UST: variants seen among roughly 807,000 people sequenced by gnomAD.
UST encodes the protein chondroitin sulfate 2-O-sulfotransferase.
In UST, 21 loss-of-function variants were observed where a neutral mutation model predicts 45.6. The ratio of observed to expected loss-of-function variants is 0.46; its 90% CI spans 0.33 to 0.66. UST has a LOEUF of 0.66. UST is among the 30% of genes least tolerant of loss of function. The probability of loss-of-function intolerance (pLI) is 0.02; values close to 1 mark genes in which losing one functional copy is unlikely to be tolerated. For synonymous variants in UST, 215 were observed against 200.6 expected (o/e 1.07, Z -0.61); for missense variants, 463 against 512.4 (o/e 0.90, Z 0.93).
intron 1 of UST, among the ~76,000 whole-genome samples, chr6:148,857,399 G>A (rs536950953): frequency 2.0e-5 from 3 of 152,146 alleles, no homozygotes; most frequent in South Asian, 4.2e-4. Flanking sequence ...AATGTATTAC[G>A]CCCACCGTAA....
intron 2 of UST, among the ~76,000 whole-genome samples, chr6:148,920,072 CA>C (rs981203127): frequency 4.4e-4 from 63 of 143,108 alleles, no homozygotes; most frequent in Middle Eastern, 3.4e-3. Flanking sequence ...GGCAGGTACA[CA>C]AAAAACTTGA....
At chr6:148,777,842 C>A (rs1776565146) in intron 1 of UST, among the ~76,000 whole-genome samples, 1 of 152,218 alleles carries the variant, frequency 6.6e-6, no homozygotes. Context: ...GCATGAGCCA[C>A]CACACCTGGC....
chr6:148,923,646 C>T (rs9942523), intron 2 of UST, among the ~76,000 whole-genome samples: 29,202 of 152,078 alleles, frequency 0.19, 2,943 homozygotes, highest in African/African-American at 0.23. Flanking sequence ...GTGGCTCATG[C>T]CTGTAATCCC....
At chr6:148,809,183 C>T (rs1379914639) in intron 1 of UST, among the ~76,000 whole-genome samples, 1 of 152,236 alleles carries the variant, frequency 6.6e-6, no homozygotes, top group East Asian at 1.9e-4. Context: ...TGGCACTGTC[C>T]TCAGAGTTTC....
chr6:148,824,768 C>T (rs1339007358), intron 1 of UST, among the ~76,000 whole-genome samples: 4 of 142,362 alleles, frequency 2.8e-5, no homozygotes, highest in East Asian at 2.0e-4. Context: ...CATGCTGGTG[C>T]GCTGCACCCA....
intron 7 of UST, among the ~76,000 whole-genome samples, chr6:149,064,724 A>G (rs1462348990): frequency 6.6e-6 from 1 of 152,206 alleles, no homozygotes; most frequent in Non-Finnish European, 1.5e-5. Context: ...CAGGTAACAT[A>G]AAAGAATGAA....
At chr6:148,903,163 A>G (rs1582888000) in intron 2 of UST, among the ~76,000 whole-genome samples, 1 of 152,286 alleles carries the variant, frequency 6.6e-6, no homozygotes, top group East Asian at 1.9e-4. Flanking sequence ...CACATAATTG[A>G]CAAAAAGCAT....
intron 1 of UST, among the ~76,000 whole-genome samples, chr6:148,754,711 TATG>T (rs1327796481): frequency 1.9e-4 from 29 of 152,238 alleles, no homozygotes; most frequent in African/African-American, 6.8e-4. Flanking sequence ...GGTTGGGAAA[TATG>T]ATACTGACTT....
At chr6:148,980,109 A>G (rs1003868723) in intron 5 of UST, among the ~76,000 whole-genome samples, 1 of 152,266 alleles carries the variant, frequency 6.6e-6, no homozygotes, top group Admixed American at 6.5e-5. Flanking sequence ...GGTATCCGAT[A>G]AGAGTTTGTA....
Position 149,074,012 on chromosome 6 carries a change from C to A in UST, c.1117C>A (p.Leu373Met), listed in dbSNP as rs755048718. The A allele has an allele frequency of 3.7e-6, 6 of 1,614,218 alleles. No individual in the cohort carries two copies. Among genetic ancestry groups the A allele is most frequent in the Non-Finnish European group, 5.1e-6 (6 of 1,180,036 alleles). ...TAAGTCTCACGTCAGCAAGCCCCCCCTGAGGCCACACTTCTTTATCCCAAC... is the reference window on the plus strand; with the variant it reads ...TAAGTCTCACGTCAGCAAGCCCCCCATGAGGCCACACTTCTTTATCCCAAC... ...GLKSHVSKPP[L>M]RPHFFIPTPL... Residue 373 changes from leucine to methionine, a missense_variant, in exon 8 of 8, where the codon CTG (leucine) becomes ATG (methionine). Around this residue, in one of 2 missense-constraint regions of UST, gnomAD observed 287 missense variants for 374.2 expected, o/e 0.77. Transcript: ENST00000367463.
At chr6:148,956,244 AT>A (rs1263634487) in intron 4 of UST, 1 of 156,790 alleles carries the variant, frequency 6.4e-6, no homozygotes, top group Admixed American at 6.5e-5. Flanking sequence ...AGGATGCTGT[AT>A]TGGTCCGTTT....
chr6:149,070,124 T>C (rs952957060), intron 7 of UST, among the ~76,000 whole-genome samples: 1 of 152,154 alleles, frequency 6.6e-6, no homozygotes, highest in African/African-American at 2.4e-5. Flanking sequence ...TACTTTTTTG[T>C]GTATCAGATA....
At chr6:148,961,043 C>T (rs931670679) in intron 4 of UST, among the ~76,000 whole-genome samples, 47 of 152,168 alleles carry the variant, frequency 3.1e-4, no homozygotes, top group Non-Finnish European at 1.5e-4. Context: ...TTCGGAAATG[C>T]CTCTCAGAGT....
intron 7 of UST, among the ~76,000 whole-genome samples, chr6:149,050,054 CTT>C (rs955360874): frequency 3.7e-4 from 57 of 152,204 alleles, no homozygotes; most frequent in African/African-American, 1.3e-3. Context: ...GTACTTAACT[CTT>C]TAATAATCTT....
chr6:149,002,611 A>G (rs1169998971), intron 5 of UST, among the ~76,000 whole-genome samples: 2 of 152,096 alleles, frequency 1.3e-5, no homozygotes, highest in Non-Finnish European at 1.5e-5. Flanking sequence ...GGTTCAAGCA[A>G]TTCTCCTGTC....
chr6:148,842,837 A>T (rs540670482), intron 1 of UST, among the ~76,000 whole-genome samples: 1 of 152,148 alleles, frequency 6.6e-6, no homozygotes, highest in African/African-American at 2.4e-5. Context: ...GTCTGTGGCA[A>T]TCCTAGTGAG....
In UST at chr6:148,782,687, G is replaced by A. The variant is rs139563416; in HGVS notation, c.247+35010G>A. On this transcript the variant is annotated intron_variant, in intron 1 of 7. Coordinates refer to ENST00000367463, the MANE Select transcript of UST (RefSeq NM_005715.3). ...GCTGGTCTCTCGAACTCCTGATCTC[G>A]GGTGATCCACCTGCCTCGGCCTCCC... Among the ~76,000 whole-genome samples the A allele has an allele frequency of 3.9e-3, 600 of 152,112 alleles. 4 individuals are homozygous for A. Among genetic ancestry groups the A allele is most frequent in the African/African-American group, 0.014 (576 of 41,486 alleles).
intron 3 of UST, among the ~76,000 whole-genome samples, chr6:148,948,552 T>C (rs1224731207): frequency 6.6e-6 from 1 of 152,242 alleles, no homozygotes; most frequent in Non-Finnish European, 1.5e-5. Flanking sequence ...TACATAGTTA[T>C]CTTTTTTAGT....
At chr6:148,789,449 T>TCA (rs1439525516) in intron 1 of UST, among the ~76,000 whole-genome samples, 57 of 129,098 alleles carry the variant, frequency 4.4e-4, no homozygotes, top group African/African-American at 7.0e-4. Context: ...TCTCTCTCTC[T>TCA]CTCTCACACA....
Sources: allele counts gnomAD v4.1 joint callset (sites outside exome capture counted in the v4.1 genomes callset), GRCh38; gene constraint gnomAD v4.1.1; regional missense constraint gnomAD v4.1.1; transcripts MANE v1.5; gene names NCBI Gene and HGNC (gene_info 2026-07-23, HGNC 2026-07-21).